Variants in DOCK3 observed in about 807,000 individuals in gnomAD.
DOCK3 encodes dedicator of cytokinesis 3.
DOCK3 carries 60 observed loss-of-function variants against 265.6 expected under a neutral mutation model. That is an observed-to-expected ratio of 0.23 (90% CI 0.18 to 0.28). The LOEUF (loss-of-function observed/expected upper bound fraction) is 0.28, where lower values mean the gene tolerates loss of function less well. Ranked by LOEUF, DOCK3 falls within the 10% of genes least tolerant of loss-of-function variation. The pLI, the probability that DOCK3 is intolerant of heterozygous loss-of-function variation, is 1.00. For missense variants in DOCK3, 1,981 were observed against 2,594.3 expected (o/e 0.76, Z 5.14); for synonymous variants, 881 against 938.0 (o/e 0.94, Z 1.11).
At chr3:51,200,813 A>C (rs1278245861) in intron 12 of DOCK3, among the ~76,000 whole-genome samples, 10 of 152,200 alleles carry the variant, frequency 6.6e-5, no homozygotes, top group Non-Finnish European at 1.5e-5. Context: ...CCATCAGACT[A>C]ACAGCGGATC....
intron 3 of DOCK3, among the ~76,000 whole-genome samples, chr3:50,865,026 T>C: frequency 6.6e-6 from 1 of 151,970 alleles, no homozygotes; most frequent in East Asian, 1.9e-4. Flanking sequence ...GGGGGGTACA[T>C]AGTAGATTTA....
At chr3:50,784,487 A>G (rs777070476) in intron 2 of DOCK3, among the ~76,000 whole-genome samples, 2 of 152,086 alleles carry the variant, frequency 1.3e-5, no homozygotes, top group South Asian at 2.1e-4. Flanking sequence ...TGCTTCGGCT[A>G]TGTGGGCTCT....
At chr3:50,702,372 T>C (rs971790129) in intron 1 of DOCK3, among the ~76,000 whole-genome samples, 1 of 149,772 alleles carries the variant, frequency 6.7e-6, no homozygotes, top group Non-Finnish European at 1.5e-5. Flanking sequence ...ACTGATTTTT[T>C]CTTTTTTTTT....
At chr3:51,309,258 G>T (rs1474653827) in intron 27 of DOCK3, among the ~76,000 whole-genome samples, 3 of 152,222 alleles carry the variant, frequency 2.0e-5, no homozygotes, top group Non-Finnish European at 2.9e-5. Context: ...GTTGTAGCAA[G>T]CCGAGATCAC....
chr3:50,845,157 G>C (rs1428574031), intron 3 of DOCK3, among the ~76,000 whole-genome samples: 2 of 151,924 alleles, frequency 1.3e-5, no homozygotes, highest in African/African-American at 4.8e-5. Context: ...CGGGAGATGG[G>C]GGTTGCAGTG....
chr3:51,219,499 C>T lies in DOCK3; in HGVS notation c.1252+5252C>T, dbSNP rs112786895. Reference sequence around the variant, plus strand: ...ACTGTGTATTACTTTTGAGTATTCACTAAGATCTGAAGAAACTGGAGACAT... The same window carrying T: ...ACTGTGTATTACTTTTGAGTATTCATTAAGATCTGAAGAAACTGGAGACAT... On this transcript the variant is annotated intron_variant, in intron 14 of 52. Transcript: ENST00000266037. Among the ~76,000 whole-genome samples, 7 of 152,298 alleles carry T rather than the reference C, an allele frequency of 4.6e-5. 2 individuals are homozygous for T. The highest frequency in any genetic ancestry group is 1.7e-4 in the African/African-American group (7 of 41,550).
At chr3:51,329,751 T>G (rs1195022665) in intron 32 of DOCK3, among the ~76,000 whole-genome samples, 1 of 152,178 alleles carries the variant, frequency 6.6e-6, no homozygotes, top group African/African-American at 2.4e-5. Flanking sequence ...CAGGGTAAAG[T>G]TCTAACCAAA....
intron 22 of DOCK3, among the ~76,000 whole-genome samples, chr3:51,247,080 C>T (rs1046426850): frequency 2.0e-5 from 3 of 152,188 alleles, no homozygotes; most frequent in Non-Finnish European, 2.9e-5. Flanking sequence ...TAGTATCAGT[C>T]CTTTCTACCA....
At position 51,355,017 on chromosome 3, in the gene DOCK3, G is replaced by A. The variant is rs756051284; in HGVS notation, c.4243G>A (p.Ala1415Thr). Reference protein sequence around the residue: ...HPDDAILQCDAQYLQIYAVTP... With the variant: ...HPDDAILQCDTQYLQIYAVTP... Reference sequence around the variant, plus strand: ...TGATGACGCCATCCTACAGTGCGATGCCCAGTGTATCCTTTGATACTGGGT... The same window carrying A: ...TGATGACGCCATCCTACAGTGCGATACCCAGTGTATCCTTTGATACTGGGT... The change falls in exon 41 of 53, where the codon GCC (alanine) becomes ACC (threonine). Residue 1415 changes from alanine to threonine, a missense_variant. This residue lies in a region of DOCK3 where 1,357 missense variants were observed against 1,866.8 expected (regional missense o/e 0.73). Transcript: ENST00000266037. 1.2e-6 allele frequency: 2 copies of A among 1,613,570 alleles called. No individual in the cohort carries two copies. The highest frequency in any genetic ancestry group is 1.7e-6 in the Non-Finnish European group (2 of 1,179,704).
At chr3:51,055,411 C>T (rs1417177532) in intron 5 of DOCK3, among the ~76,000 whole-genome samples, 1 of 152,140 alleles carries the variant, frequency 6.6e-6, no homozygotes. Flanking sequence ...ACTCTTAGGG[C>T]TTTTTTAGTT....
chr3:51,357,408 A>G (rs2086436855), intron 44 of DOCK3, among the ~76,000 whole-genome samples: 1 of 152,166 alleles, frequency 6.6e-6, no homozygotes, highest in Non-Finnish European at 1.5e-5. Context: ...GTGCCCTCCA[A>G]GAGGAGCCTT....
intron 22 of DOCK3, among the ~76,000 whole-genome samples, chr3:51,255,468 A>G (rs568893721): frequency 6.6e-6 from 1 of 152,198 alleles, no homozygotes; most frequent in Admixed American, 6.5e-5. Context: ...GTGTTTTCCA[A>G]CTTGGTTCCA....
intron 12 of DOCK3, among the ~76,000 whole-genome samples, chr3:51,178,272 GT>G (rs2087081751): frequency 6.6e-6 from 1 of 152,146 alleles, no homozygotes; most frequent in African/African-American, 2.4e-5. Flanking sequence ...GTTAAATTCA[GT>G]TTCTTATTTT....
intron 9 of DOCK3, among the ~76,000 whole-genome samples, chr3:51,098,024 G>C (rs766343040): frequency 2.0e-5 from 3 of 152,162 alleles, no homozygotes; most frequent in Non-Finnish European, 4.4e-5. Context: ...CGTTGATCTC[G>C]CTGGGAGCTG....
At chr3:50,772,683 T>A (rs1255735050) in intron 1 of DOCK3, among the ~76,000 whole-genome samples, 1 of 152,108 alleles carries the variant, frequency 6.6e-6, no homozygotes, top group Non-Finnish European at 1.5e-5. Context: ...GAAAACAATC[T>A]CATATACAAT....
In DOCK3 at chr3:51,330,139, T is replaced by A; in HGVS notation, c.3404T>A (p.Val1135Glu). ...TATGAAGTCTCTGCTTCCTTCTAGG[T>A]GGAGGCCGAGTTGATTGACAAGCTG... ...EQRKNGNFKQ[V>E]EAELIDKLDS... Residue 1135 changes from valine (V) to glutamate (E), a missense_variant and splice_region_variant, in exon 33 of 53, where the codon GTG becomes GAG. Val to Glu is a moderately radical substitution (Grantham distance 121). Coordinates refer to ENST00000266037, the MANE Select transcript of DOCK3 (RefSeq NM_004947.5). 1 of 1,600,450 alleles carries A rather than the reference T, an allele frequency of 6.2e-7. No homozygotes were observed.
At chr3:50,708,724 C>G (rs972806054) in intron 1 of DOCK3, among the ~76,000 whole-genome samples, 1 of 152,220 alleles carries the variant, frequency 6.6e-6, no homozygotes, top group South Asian at 2.1e-4. Context: ...ACGTCTATCA[C>G]TTGGGGATCT....
intron 9 of DOCK3, among the ~76,000 whole-genome samples, chr3:51,105,049 G>A (rs1576091680): frequency 6.6e-6 from 1 of 152,272 alleles, no homozygotes; most frequent in Admixed American, 6.5e-5. Context: ...TGCAGTGAGG[G>A]GCAGAAGGTA....
intron 4 of DOCK3, among the ~76,000 whole-genome samples, chr3:50,927,999 C>T (rs1271972063): frequency 6.6e-6 from 1 of 151,956 alleles, no homozygotes; most frequent in Non-Finnish European, 1.5e-5. Flanking sequence ...TTTCCCCTGA[C>T]CTGCATTCTA....
Sources: allele counts gnomAD v4.1 joint callset (sites outside exome capture counted in the v4.1 genomes callset), GRCh38; gene constraint gnomAD v4.1.1; regional missense constraint gnomAD v4.1.1; transcripts MANE v1.5; gene names NCBI Gene and HGNC (gene_info 2026-07-23, HGNC 2026-07-21).